ARMC2: variants seen among roughly 807,000 people sequenced by gnomAD.
The protein encoded by ARMC2 is armadillo repeat-containing protein 2.
In ARMC2, 67 loss-of-function variants were observed where a neutral mutation model predicts 90.3. The ratio of observed to expected loss-of-function variants is 0.74; its 90% confidence interval spans 0.61 to 0.91. ARMC2 has a LOEUF of 0.91. ARMC2 is among the 40% of genes least tolerant of loss of function. The pLI is 0.00. For synonymous variants in ARMC2, 393 were observed against 393.0 expected (o/e 1.00, Z 0.00); for missense variants, 920 against 1,030.9 (o/e 0.89, Z 1.47).
intron 6 of ARMC2, among the ~76,000 whole-genome samples, chr6:108,897,148 A>G (rs761435660): frequency 5.8e-4 from 88 of 152,262 alleles, no homozygotes; most frequent in Non-Finnish European, 1.1e-3. Flanking sequence ...CTGTAGTTCC[A>G]GAATCCCTGA....
chr6:108,932,541 T>TTTTG (rs1554254901), intron 11 of ARMC2, among the ~76,000 whole-genome samples: 12 of 116,126 alleles, frequency 1.0e-4, no homozygotes, highest in African/African-American at 3.6e-4. Context: ...TTTTTTTTTT[T>TTTTG]TTGTTGAGAC....
chr6:108,931,183 T>C (rs1433403683), intron 11 of ARMC2, among the ~76,000 whole-genome samples: 2 of 151,914 alleles, frequency 1.3e-5, no homozygotes, highest in Middle Eastern at 3.2e-3. Context: ...TATTTGGTTT[T>C]ATTTTCCTGC....
At chr6:108,959,785 A>T (rs1480713286) in intron 13 of ARMC2, among the ~76,000 whole-genome samples, 2 of 151,962 alleles carry the variant, frequency 1.3e-5, no homozygotes. Flanking sequence ...TCCCGGGTTC[A>T]AGCAATTCTT....
At chr6:108,902,289 A>G (rs1371809131) in intron 7 of ARMC2, among the ~76,000 whole-genome samples, 3 of 152,258 alleles carry the variant, frequency 2.0e-5, no homozygotes, top group African/African-American at 7.2e-5. Flanking sequence ...TGATTTGATC[A>G]ATAGTTTAAA....
chr6:108,897,841 C>T (rs1416368393), intron 6 of ARMC2, among the ~76,000 whole-genome samples: 1 of 152,014 alleles, frequency 6.6e-6, no homozygotes, highest in Non-Finnish European at 1.5e-5. Context: ...CATCAAGGGA[C>T]TTTATTGGAT....
intron 9 of ARMC2, among the ~76,000 whole-genome samples, chr6:108,911,633 C>CT (rs1773439879): frequency 6.6e-6 from 1 of 152,106 alleles, no homozygotes; most frequent in Non-Finnish European, 1.5e-5. Context: ...TTTCATCTTT[C>CT]TTTGCCCCTG....
At chr6:108,941,472 T>A (rs1422982445) in intron 12 of ARMC2, among the ~76,000 whole-genome samples, 10 of 152,242 alleles carry the variant, frequency 6.6e-5, no homozygotes, top group Non-Finnish European at 1.2e-4. Context: ...GACAAAGGCA[T>A]GCCAGGGCAT....
chr6:108,907,646 T>C (rs958320052), intron 8 of ARMC2: 43 of 1,596,414 alleles, frequency 2.7e-5, no homozygotes, highest in Non-Finnish European at 3.4e-5. Context: ...CTTGAGATGC[T>C]TGTAGGAAAA....
chr6:108,896,572 G>A (rs1018449842), intron 6 of ARMC2, among the ~76,000 whole-genome samples: 11 of 152,208 alleles, frequency 7.2e-5, no homozygotes, highest in African/African-American at 2.7e-4. Flanking sequence ...ATTCCTGGGA[G>A]AGGGTTGGAA....
At chr6:109,006,434 G>A in the ARMC2 span, among the ~76,000 whole-genome samples, 3 of 151,224 alleles carry the variant, frequency 2.0e-5, no homozygotes, top group Non-Finnish European at 2.9e-5. Flanking sequence ...ATCTCCTAAT[G>A]CTATCCCTCC....
At chr6:108,867,582 C>G (rs534007460) in intron 3 of ARMC2, among the ~76,000 whole-genome samples, 3 of 152,064 alleles carry the variant, frequency 2.0e-5, no homozygotes, top group East Asian at 3.9e-4. Context: ...GTCTGACTAA[C>G]AGGGTGAAAC....
chr6:108,920,002 G>A (rs1352213238), intron 10 of ARMC2, among the ~76,000 whole-genome samples: 1 of 152,050 alleles, frequency 6.6e-6, no homozygotes, highest in Non-Finnish European at 1.5e-5. Flanking sequence ...CCTCCCAGTG[G>A]TGATATCTTA....
chr6:109,038,365 G>A, the ARMC2 span, among the ~76,000 whole-genome samples: 1 of 152,212 alleles, frequency 6.6e-6, no homozygotes, highest in Non-Finnish European at 1.5e-5. Flanking sequence ...GGTGGTACAT[G>A]CCTATAGTCC....
chr6:108,949,944 G>T (rs190576770), intron 12 of ARMC2, among the ~76,000 whole-genome samples: 1 of 152,262 alleles, frequency 6.6e-6, no homozygotes, highest in Non-Finnish European at 1.5e-5. Flanking sequence ...AGTGGCTCAC[G>T]CCTGTAATTC....
chr6:108,876,189 T>G lies in ARMC2; in HGVS notation c.510T>G (p.Ser170=), dbSNP rs1776913119. The change falls in exon 5 of 18, where the codon TCT becomes TCG. Residue 170 remains serine (S), a synonymous_variant. Transcript: ENST00000392644. ...ESKETVMMGD[S]MVKINGIYLT... is the part of the protein sequence containing the mutation. The stretch of plus-strand genomic sequence containing the variant: ...AAGAAACAGTTATGATGGGGGACTC[T>G]ATGGTGAAAATAAATGGGATTTATT... 6.2e-7 allele frequency: 1 copy of G among 1,612,938 alleles called. No individual in the cohort carries two copies. The highest frequency in any genetic ancestry group is 8.5e-7 in the Non-Finnish European group (1 of 1,179,572).
chr6:108,953,002 C>T (rs1218688744), intron 12 of ARMC2, 31 bp from the exon 13 acceptor site: 2 of 1,562,328 alleles, frequency 1.3e-6, no homozygotes, highest in African/African-American at 1.4e-5. Context: ...GCCCCCTTTG[C>T]ACTTTTGACT....
chr6:108,867,261 C>T (rs899285679), intron 3 of ARMC2, among the ~76,000 whole-genome samples: 1 of 152,044 alleles, frequency 6.6e-6, no homozygotes, highest in Non-Finnish European at 1.5e-5. Context: ...GCTGAGTCAC[C>T]CTGTGAGGGT....
chr6:108,879,317 C>T (rs1484031708), intron 5 of ARMC2, among the ~76,000 whole-genome samples: 6 of 151,378 alleles, frequency 4.0e-5, no homozygotes, highest in African/African-American at 1.5e-4. Flanking sequence ...CCCATCCACC[C>T]ATCCATATAT....
chr6:109,021,950 T>G, the ARMC2 span, among the ~76,000 whole-genome samples: 2 of 152,188 alleles, frequency 1.3e-5, no homozygotes, highest in African/African-American at 4.8e-5. Flanking sequence ...TCTAAAGGAT[T>G]GGTTAAATTT....
Sources: allele counts gnomAD v4.1 joint callset (sites outside exome capture counted in the v4.1 genomes callset), GRCh38; gene constraint gnomAD v4.1.1; transcripts MANE v1.5; gene names NCBI Gene and HGNC (gene_info 2026-07-23, HGNC 2026-07-21).